The following ADGRA2 variants were observed in gnomAD, a reference collection of about 807,000 sequenced individuals.
ADGRA2 encodes adhesion G protein-coupled receptor A2.
In ADGRA2, 61 loss-of-function variants were observed where a neutral mutation model predicts 98.7. The observed-to-expected ratio is 0.62, with a 90% confidence interval of 0.50 to 0.76. ADGRA2 has a LOEUF of 0.76. ADGRA2 is among the 30% of genes least tolerant of loss of function. The pLI, the probability that ADGRA2 is intolerant of heterozygous loss-of-function variation, is 0.00. For synonymous variants in ADGRA2, 858 were observed against 831.5 expected, an observed-to-expected ratio of 1.03 and a Z score of -0.55; for missense variants, 1,712 against 1,860.0, an observed-to-expected ratio of 0.92 and a Z score of 1.46.
At chr8:37,800,951 C>G (rs1176565182) in intron 1 of ADGRA2, among the ~76,000 whole-genome samples, 1 of 152,174 alleles carries the variant, frequency 6.6e-6, no homozygotes, top group Non-Finnish European at 1.5e-5. Context: ...CATGGAAGAC[C>G]CTTTTTTTCC....
At chr8:37,798,144 C>A (rs1458601141) in intron 1 of ADGRA2, among the ~76,000 whole-genome samples, 1 of 151,710 alleles carries the variant, frequency 6.6e-6, no homozygotes, top group African/African-American at 2.4e-5. Flanking sequence ...TGCAGGAGAC[C>A]CTGGCGTCCC....
intron 1 of ADGRA2, among the ~76,000 whole-genome samples, chr8:37,809,299 A>G (rs897955274): frequency 2.4e-5 from 2 of 82,582 alleles, no homozygotes; most frequent in African/African-American, 8.1e-5. Flanking sequence ...TGTCTCTCTT[A>G]AAAAAAAAAA....
chr8:37,805,461 G>A (rs879343056), intron 1 of ADGRA2, among the ~76,000 whole-genome samples: 4 of 152,154 alleles, frequency 2.6e-5, no homozygotes, highest in Non-Finnish European at 5.9e-5. Flanking sequence ...TCTGCGCCGC[G>A]TGTGTTGGCC....
Position 37,797,574 on chromosome 8 carries a change from T to C in ADGRA2, c.266+40T>C. 8.1e-7 allele frequency: 1 copy of C among 1,229,842 alleles called. No individual in the cohort carries two copies. The highest frequency in any genetic ancestry group is 1.0e-6 in the Non-Finnish European group (1 of 971,720). The allele number at this position is 1,229,842 out of a possible 1,614,324, so 76.2% of individuals were successfully genotyped here. A position where few individuals can be genotyped will look rare whatever the true frequency, so the allele number is the denominator to read the frequency against. On this transcript the variant is annotated intron_variant, in intron 1 of 18. Transcript: ENST00000412232. The surrounding 1 kb of genome is among the most constrained non-coding windows in gnomAD (Gnocchi z 5.3). ...AGGCCAGTTCCGTCCGAGCCGGGACTGGGGACGAAGGGAGGCGAGACGGGA... is the reference window on the plus strand; with the variant it reads ...AGGCCAGTTCCGTCCGAGCCGGGACCGGGGACGAAGGGAGGCGAGACGGGA...
intron 1 of ADGRA2, among the ~76,000 whole-genome samples, chr8:37,811,088 TG>T (rs1410075477): frequency 1.7e-5 from 2 of 117,514 alleles, no homozygotes; most frequent in South Asian, 3.1e-4. Context: ...CACTGCAGAC[TG>T]GGCAACAGAG....
chr8:37,799,113 A>T (rs900579587), intron 1 of ADGRA2, among the ~76,000 whole-genome samples: 2 of 152,190 alleles, frequency 1.3e-5, no homozygotes, highest in Admixed American at 1.3e-4. Flanking sequence ...GCGGTGGCTC[A>T]GGCCTGTAAT....
At chr8:37,823,494 CG>C (rs1018174337) in intron 2 of ADGRA2, among the ~76,000 whole-genome samples, 12 of 152,126 alleles carry the variant, frequency 7.9e-5, no homozygotes, top group South Asian at 2.1e-4. Flanking sequence ...AGCTACCACA[CG>C]TGGCCAGTTT....
chr8:37,820,668 A>G (rs1162952462), intron 2 of ADGRA2, among the ~76,000 whole-genome samples: 2 of 152,246 alleles, frequency 1.3e-5, no homozygotes, highest in Non-Finnish European at 2.9e-5. Flanking sequence ...CCAGTCTGTT[A>G]ACTGAAACGG....
chr8:37,825,475 C>G (rs920552063), intron 2 of ADGRA2, among the ~76,000 whole-genome samples: 1 of 151,450 alleles, frequency 6.6e-6, no homozygotes, highest in Non-Finnish European at 1.5e-5. Context: ...TCTCGAACTC[C>G]TGACCTCAGG....
chr8:37,823,203 T>C (rs1229734113), intron 2 of ADGRA2, among the ~76,000 whole-genome samples: 1 of 150,742 alleles, frequency 6.6e-6, no homozygotes, highest in Non-Finnish European at 1.5e-5. Context: ...TTTTTTTTTT[T>C]TTTTTTGACA....
At chr8:37,824,251 G>C (rs942701681) in intron 2 of ADGRA2, among the ~76,000 whole-genome samples, 6 of 151,824 alleles carry the variant, frequency 4.0e-5, no homozygotes, top group Non-Finnish European at 7.4e-5. Flanking sequence ...GGCTGGTCTC[G>C]AACTCCTGAC....
At chr8:37,817,970 C>A (rs1174745458) in intron 2 of ADGRA2, among the ~76,000 whole-genome samples, 4 of 152,070 alleles carry the variant, frequency 2.6e-5, no homozygotes, top group African/African-American at 9.7e-5. Flanking sequence ...GCTGAGATCA[C>A]GCCATTGTAC....
chr8:37,803,449 G>A (rs1804564292), intron 1 of ADGRA2, among the ~76,000 whole-genome samples: 1 of 152,176 alleles, frequency 6.6e-6, no homozygotes, highest in Non-Finnish European at 1.5e-5. Flanking sequence ...GGACCAGAAG[G>A]AAGATCCGCT....
chr8:37,828,923 C>T lies in ADGRA2; in HGVS notation c.374C>T (p.Pro125Leu), dbSNP rs567572116. Residue 125 changes from proline (P) to leucine (L), a missense_variant, in exon 3 of 19, where the codon CCG (proline) becomes CTG (leucine). Pro to Leu is a moderately conservative substitution (Grantham distance 98). Transcript: ENST00000412232. ...LRNNIISTVQ[P>L]GAFLGLGELK... ...AACAACATCATCAGCACAGTGCAGC[C>T]GGGCGCCTTCCTGGGCCTGGGGGAG... is the stretch of plus-strand genomic sequence containing the variant. 9 of 1,591,448 alleles carry T rather than the reference C, an allele frequency of 5.7e-6. No individual in the cohort carries two copies. The highest frequency in any genetic ancestry group is 3.6e-5 in the Admixed American group (2 of 55,940).
At chr8:37,813,148 T>C in intron 1 of ADGRA2, among the ~76,000 whole-genome samples, 1 of 152,130 alleles carries the variant, frequency 6.6e-6, no homozygotes, top group East Asian at 1.9e-4. Flanking sequence ...GAGGATCCCT[T>C]GAGCCCAGGA....
At chr8:37,839,180 A>C (rs1167259495) in intron 15 of ADGRA2, 97 bp downstream of exon 15, 16 of 1,504,922 alleles carry the variant, frequency 1.1e-5, no homozygotes, top group Non-Finnish European at 1.5e-5. Context: ...CATACTTTCA[A>C]TTCCAGCTTT....
intron 9 of ADGRA2, 67 bp downstream of exon 9, chr8:37,833,275 A>C: frequency 7.8e-7 from 1 of 1,279,446 alleles, no homozygotes; most frequent in Non-Finnish European, 1.1e-6. Flanking sequence ...AAGCCAACCT[A>C]ACGGGCAAGG....
At chr8:37,826,801 C>G (rs539038845) in intron 2 of ADGRA2, among the ~76,000 whole-genome samples, 1 of 152,140 alleles carries the variant, frequency 6.6e-6, no homozygotes, top group Non-Finnish European at 1.5e-5. Flanking sequence ...TTGTGGTGGG[C>G]AGGGCCAAGA....
rs1411898902 is a variant in ADGRA2, at chr8:37,797,478, C to T, written c.210C>T (p.Gly70=). The change falls in exon 1 of 19, where the codon GGC becomes GGT. Residue 70 remains glycine, a synonymous_variant. Transcript: ENST00000412232. This position sits in a 1 kb window ranked among gnomAD's most constrained non-coding sequence, Gnocchi z 5.3. The part of the protein sequence containing the change: ...GPARRRVVCS[G]GDLPEPPEPG... The stretch of plus-strand genomic sequence containing the variant: ...CTCGGCGGAGGGTGGTGTGCAGCGG[C>T]GGGGACCTCCCGGAGCCTCCCGAGC... The T allele has an allele frequency of 7.1e-7, 1 of 1,417,634 alleles. No individual in the cohort carries two copies. The allele number at this position is 1,417,634 out of a possible 1,614,324, so 87.8% of individuals were successfully genotyped here. A position where few individuals can be genotyped will look rare whatever the true frequency, so the allele number is the denominator to read the frequency against.
Sources: allele counts gnomAD v4.1 joint callset (sites outside exome capture counted in the v4.1 genomes callset), GRCh38; gene constraint gnomAD v4.1.1; non-coding constraint Gnocchi (gnomAD v3.1); transcripts MANE v1.5; gene names NCBI Gene and HGNC (gene_info 2026-07-23, HGNC 2026-07-21).